The following RNF130 variants were observed in gnomAD, a reference collection of about 807,000 sequenced individuals.
The protein encoded by RNF130 is E3 ubiquitin-protein ligase RNF130.
RNF130 carries 21 observed loss-of-function variants against 44.6 expected under a neutral mutation model. That is an observed-to-expected ratio of 0.47 (90% CI 0.33 to 0.68). The LOEUF (loss-of-function observed/expected upper bound fraction) is 0.68, where lower values mean the gene tolerates loss of function less well. Among genes scored for constraint, RNF130 ranks in the 30% least tolerant of loss-of-function variants. The probability of loss-of-function intolerance (pLI) is 0.02; values close to 1 mark genes in which losing one functional copy is unlikely to be tolerated. For missense variants in RNF130, 479 were observed against 560.6 expected (o/e 0.85, Z 1.47); for synonymous variants, 214 against 210.4 (o/e 1.02, Z -0.15).
chr5:180,001,043 C>T (rs1763321721), intron 3 of RNF130, among the ~76,000 whole-genome samples: 1 of 152,292 alleles, frequency 6.6e-6, no homozygotes, highest in Non-Finnish European at 1.5e-5. Context: ...TTTTCGCCTA[C>T]AGTTTAATCT....
intron 7 of RNF130, among the ~76,000 whole-genome samples, chr5:179,947,848 T>C (rs527548741): frequency 1.3e-5 from 2 of 152,346 alleles, no homozygotes; most frequent in African/African-American, 4.8e-5. Context: ...TATGCTATTA[T>C]ATATTATACA....
At chr5:180,010,510 G>T (rs1763568308) in intron 3 of RNF130, among the ~76,000 whole-genome samples, 1 of 151,998 alleles carries the variant, frequency 6.6e-6, no homozygotes, top group Non-Finnish European at 1.5e-5. Context: ...CAGGCGCATG[G>T]CACCTTGCCC....
chr5:179,933,725 G>A (rs1482708355), intron 7 of RNF130: 3 of 342,528 alleles, frequency 8.8e-6, no homozygotes, highest in African/African-American at 6.6e-5. Flanking sequence ...ATTTCACCAT[G>A]TTGCCCAGGC....
chr5:179,939,723 G>A lies in RNF130; in HGVS notation c.1151-19297C>T, dbSNP rs116439920. 5.5e-3 allele frequency: 2,486 copies of A among 451,648 alleles called. 57 individuals carry two copies. The highest frequency in any genetic ancestry group is 0.047 in the African/African-American group (2,228 of 47,456). 28.0% of individuals were successfully genotyped at this position (451,648 alleles called of 1,614,324 possible). On this transcript the variant is annotated intron_variant, in intron 7 of 7. Coordinates refer to the RNF130 transcript ENST00000522208. ...AGAAGAAAATCCACTTCCAAAAGAC[G>A]GAAATCCACTGAAAGCGGAGAAAAA...
chr5:180,040,717 T>C lies in RNF130; in HGVS notation c.248-70A>G, dbSNP rs1446810986. Reference sequence around the variant, plus strand: ...ACCAAGTCTTTATCAAAGTGTCAACTGCTTTCTGAATACCACACAGAGCTA... The same window carrying C: ...ACCAAGTCTTTATCAAAGTGTCAACCGCTTTCTGAATACCACACAGAGCTA... On this transcript the variant is annotated intron_variant, in intron 1 of 8. Coordinates refer to ENST00000521389, the MANE Select transcript of RNF130 (RefSeq NM_018434.6). 1.1e-5 allele frequency: 15 copies of C among 1,420,532 alleles called. No individual in the cohort carries two copies. In the South Asian group the frequency reaches 1.7e-4, roughly 16 times the overall value. 88.0% of individuals were successfully genotyped at this position (1,420,532 alleles called of 1,614,324 possible).
At chr5:180,004,773 A>G (rs1251432854) in intron 3 of RNF130, among the ~76,000 whole-genome samples, 1 of 152,218 alleles carries the variant, frequency 6.6e-6, no homozygotes, top group Non-Finnish European at 1.5e-5. Flanking sequence ...GCCATTCGGC[A>G]ATCAGAACTC....
intron 5 of RNF130, among the ~76,000 whole-genome samples, chr5:179,973,641 C>A (rs1160627545): frequency 6.6e-6 from 1 of 152,188 alleles, no homozygotes; most frequent in Admixed American, 6.5e-5. Flanking sequence ...ACCGCGCTCA[C>A]CCTCACTATG....
intron 3 of RNF130, among the ~76,000 whole-genome samples, chr5:180,010,775 G>C (rs1272600865): frequency 6.6e-6 from 1 of 152,194 alleles, no homozygotes; most frequent in Non-Finnish European, 1.5e-5. Flanking sequence ...TAAAAGAGTA[G>C]CACAAGGGTT....
In RNF130 at chr5:180,013,041, C is replaced by T. The variant is rs773829149; in HGVS notation, c.693+20G>A. ...AACTCTGGCTGTTACGAACCAATCACTGTTGAGTACTGAGCTCACCTGGTT... is the reference window on the plus strand; with the variant it reads ...AACTCTGGCTGTTACGAACCAATCATTGTTGAGTACTGAGCTCACCTGGTT... On this transcript the variant is annotated intron_variant, in intron 3 of 8. Transcript: ENST00000521389. The T allele has an allele frequency of 5.0e-6, 8 of 1,604,138 alleles. No homozygotes were observed. In the South Asian group the frequency reaches 7.8e-5, roughly 16 times the overall value.
In RNF130 at chr5:179,947,906, G is replaced by A. The variant is rs537970061; in HGVS notation, c.1150+18900C>T. Among the ~76,000 whole-genome samples the A allele has an allele frequency of 5.9e-5, 9 of 152,220 alleles. No homozygotes were observed. In the South Asian group the frequency reaches 1.9e-3, roughly 32 times the overall value. ...ACCATATATGCATGTAAGAATATGG[G>A]TGTGTATGTGTTTGTGTAGCTCAGC... On this transcript the variant is annotated intron_variant, in intron 7 of 7. Transcript: ENST00000522208.
intron 3 of RNF130, among the ~76,000 whole-genome samples, chr5:179,994,932 A>G (rs1056720817): frequency 1.3e-5 from 2 of 152,152 alleles, no homozygotes; most frequent in African/African-American, 4.8e-5. Context: ...GGGAAAGCTC[A>G]GTGGTTTGGG....
chr5:179,952,500 T>A (rs1327616433), downstream of RNF130, among the ~76,000 whole-genome samples: 1 of 152,210 alleles, frequency 6.6e-6, no homozygotes, highest in Non-Finnish European at 1.5e-5. Flanking sequence ...ATTGTTTATA[T>A]GATGCCAGCA....
intron 3 of RNF130, among the ~76,000 whole-genome samples, chr5:179,985,503 T>C (rs1251323218): frequency 2.0e-5 from 3 of 152,140 alleles, no homozygotes; most frequent in African/African-American, 7.2e-5. Context: ...GCCTTCAGTA[T>C]TGAATTCATG....
intron 1 of RNF130, among the ~76,000 whole-genome samples, chr5:180,047,736 T>A (rs1275160576): frequency 6.6e-6 from 1 of 152,114 alleles, no homozygotes; most frequent in African/African-American, 2.4e-5. Flanking sequence ...AGAGTGAGAC[T>A]CTGTCTAAAA....
intron 3 of RNF130, among the ~76,000 whole-genome samples, chr5:180,001,753 C>G (rs932129547): frequency 6.6e-6 from 1 of 152,144 alleles, no homozygotes; most frequent in African/African-American, 2.4e-5. Context: ...GGGAGCAGAG[C>G]TGTTGTGTGG....
intron 7 of RNF130, among the ~76,000 whole-genome samples, chr5:179,944,713 G>A (rs1340610425): frequency 1.3e-5 from 2 of 151,454 alleles, no homozygotes; most frequent in East Asian, 3.9e-4. Flanking sequence ...AGTGAACCAT[G>A]ATCACACCAC....
chr5:180,052,180 C>A (rs1764700225), intron 1 of RNF130, among the ~76,000 whole-genome samples: 2 of 152,216 alleles, frequency 1.3e-5, no homozygotes, highest in Non-Finnish European at 2.9e-5. Context: ...CACTCCCCTG[C>A]CTTCGACTAC....
intron 3 of RNF130, among the ~76,000 whole-genome samples, chr5:180,010,452 C>G (rs1314327885): frequency 6.6e-6 from 1 of 151,932 alleles, no homozygotes; most frequent in Non-Finnish European, 1.5e-5. Context: ...CTCTGCCTCC[C>G]AAGTTCAAGC....
At position 180,029,531 on chromosome 5, in the gene RNF130, A is replaced by G. The variant is rs186763647; in HGVS notation, c.442+10922T>C. On this transcript the variant is annotated intron_variant, in intron 2 of 8. Coordinates refer to ENST00000521389, the MANE Select transcript of RNF130 (RefSeq NM_018434.6). ...ACACACTAAGATGAGTAGTTTGCAG[A>G]TAATTCACAAATTCCCAAACAAAAT... Among the ~76,000 whole-genome samples the G allele has an allele frequency of 7.2e-5, 11 of 152,390 alleles. No homozygotes were observed. The East Asian group carries it at 1.5e-3, about 21-fold the overall frequency.
Sources: gnomAD v4.1 joint callset for allele counts (sites outside exome capture counted in the v4.1 genomes callset) on GRCh38, gnomAD v4.1.1 for gene constraint, MANE v1.5 for transcripts, NCBI Gene and HGNC (gene_info 2026-07-23, HGNC 2026-07-21) for gene names.